The following ITGB1 variants were observed in gnomAD, a reference collection of about 807,000 sequenced individuals.
The protein encoded by ITGB1 is integrin subunit beta 1.
A neutral mutation model predicts 86.5 loss-of-function variants in ITGB1; 24 were observed. The ratio of observed to expected loss-of-function variants is 0.28; its 90% confidence interval spans 0.20 to 0.39. The LOEUF is 0.39. ITGB1 is among the 10% of genes least tolerant of loss of function. ITGB1 has a pLI of 1.00. For synonymous variants in ITGB1, 323 were observed against 316.8 expected, an observed-to-expected ratio of 1.02 and a Z score of -0.21; for missense variants, 556 against 946.9, an observed-to-expected ratio of 0.59 and a Z score of 5.42.
chr10:32,946,465 T>A (rs931764546), intron 1 of ITGB1, among the ~76,000 whole-genome samples: 1 of 152,158 alleles, frequency 6.6e-6, no homozygotes, highest in Non-Finnish European at 1.5e-5. Context: ...TTCTACTGGT[T>A]TCATCTGAGC....
chr10:32,925,143 G>A (rs2094960930), intron 6 of ITGB1, among the ~76,000 whole-genome samples: 1 of 152,162 alleles, frequency 6.6e-6, no homozygotes, highest in Non-Finnish European at 1.5e-5. Context: ...TGAGACAAGA[G>A]TAGGTACGCA....
At chr10:32,956,542 T>C (rs545379187) in intron 1 of ITGB1, among the ~76,000 whole-genome samples, 30 of 152,112 alleles carry the variant, frequency 2.0e-4, no homozygotes, top group South Asian at 6.2e-4. Context: ...ATCCTGTCTC[T>C]ACAAAAAATA....
intron 1 of ITGB1, chr10:32,953,626 G>C (rs539241429): frequency 6.6e-6 from 1 of 151,970 alleles, no homozygotes; most frequent in Non-Finnish European, 1.5e-5. Flanking sequence ...CTCCTCGAAC[G>C]AGAGAATGAG....
chr10:32,927,604 C>G (rs1200414084), intron 5 of ITGB1, among the ~76,000 whole-genome samples: 1 of 152,102 alleles, frequency 6.6e-6, no homozygotes, highest in African/African-American at 2.4e-5. Flanking sequence ...CCAGCCTGGC[C>G]AACATGGTGA....
At chr10:32,905,815 T>C (rs2094894711) in intron 15 of ITGB1, among the ~76,000 whole-genome samples, 1 of 152,180 alleles carries the variant, frequency 6.6e-6, no homozygotes, top group Admixed American at 6.5e-5. Flanking sequence ...CACAATAAGG[T>C]AGGCAGTGAG....
Position 32,902,237 on chromosome 10 carries a change from G to T in ITGB1, c.2332-602C>A, listed in dbSNP as rs143218707. 1.9e-3 allele frequency among the ~76,000 whole-genome samples: 296 copies of T among 152,236 alleles called. 3 individuals carry two copies. Among genetic ancestry groups the T allele is most frequent in the African/African-American group, 6.8e-3 (283 of 41,560 alleles). ...CATTCCTTATGAAATAACTTGTTAT[G>T]CTTCAATATCATATTGGTGAAATGT... On this transcript the variant is annotated intron_variant, in intron 15 of 15. Coordinates refer to ENST00000302278, the MANE Select transcript of ITGB1 (RefSeq NM_002211.4).
chr10:32,925,858 T>C lies in ITGB1; in HGVS notation c.786+13A>G, dbSNP rs7087306. On this transcript the variant is annotated intron_variant, in intron 6 of 15. Transcript: ENST00000302278. ...AGAAACAATATCCCCTGATAGGAAA[T>C]GAATGCGCTTACTCCACAAACTGCA... 4 of 1,458,828 alleles carry C rather than the reference T, an allele frequency of 2.7e-6. No homozygotes were observed. Among genetic ancestry groups the C allele is most frequent in the African/African-American group, 2.8e-5 (2 of 71,852 alleles). The allele number at this position is 1,458,828 out of a possible 1,614,324, so 90.4% of individuals were successfully genotyped here. A position where few individuals can be genotyped will look rare whatever the true frequency, so the allele number is the denominator to read the frequency against.
intron 11 of ITGB1, 76 bp downstream of exon 11, chr10:32,919,809 G>C (rs2094943063): frequency 7.8e-7 from 1 of 1,276,604 alleles, no homozygotes; most frequent in Admixed American, 1.7e-5. Flanking sequence ...ATATTCTCTG[G>C]ATGTCCCAAA....
chr10:32,901,464 C>A lies in ITGB1; in HGVS notation c.*106G>T. 1.4e-6 allele frequency: 1 copy of A among 722,228 alleles called. No homozygotes were observed. The highest frequency in any genetic ancestry group is 2.3e-6 in the Non-Finnish European group (1 of 432,866). The allele number at this position is 722,228 out of a possible 1,614,324, so 44.7% of individuals were successfully genotyped here. ...TTATACATATTGTACATTTTCAAAA[C>A]CTGCACATGAGTAAAACCATGGCAA... is the stretch of plus-strand genomic sequence containing the variant. On this transcript the variant is annotated 3_prime_UTR_variant, in exon 16 of 16. Coordinates refer to ENST00000302278, the MANE Select transcript of ITGB1 (RefSeq NM_002211.4).
At chr10:32,914,426 C>T (rs556438455) in intron 11 of ITGB1, among the ~76,000 whole-genome samples, 5 of 152,146 alleles carry the variant, frequency 3.3e-5, no homozygotes, top group Admixed American at 6.5e-5. Flanking sequence ...ACCCATCTCA[C>T]GTGCAGAGAC....
chr10:32,927,259 A>C (rs1479922956), intron 5 of ITGB1, among the ~76,000 whole-genome samples: 1 of 152,196 alleles, frequency 6.6e-6, no homozygotes, highest in African/African-American at 2.4e-5. Context: ...CTTAGGCCTC[A>C]TAACTGTCAA....
chr10:32,912,018 T>G lies in ITGB1; in HGVS notation c.1576A>C (p.Ser526Arg). Residue 526 changes from serine to arginine, a missense_variant, in exon 12 of 16, where the codon AGT (serine) becomes CGT (arginine). Physicochemically the swap from Ser to Arg is moderately radical, Grantham distance 110 (BLOSUM62 -1). Transcript: ENST00000302278. The stretch of plus-strand genomic sequence containing the variant: ...CCGCAGACGCACTCTCCATTGTTAC[T>G]GCAGATTTCTGAACTGTTTTCTTTC... ...CRKENSSEIC[S>R]NNGECVCGQC... 6.2e-7 allele frequency: 1 copy of G among 1,614,242 alleles called. No homozygotes were observed. Among genetic ancestry groups the G allele is most frequent in the African/African-American group, 1.3e-5 (1 of 75,070 alleles).
intron 1 of ITGB1, among the ~76,000 whole-genome samples, chr10:32,957,481 G>C (rs2095054805): frequency 1.3e-5 from 2 of 152,162 alleles, no homozygotes; most frequent in Non-Finnish European, 2.9e-5. Flanking sequence ...ATAAACACGG[G>C]GAAGTGGACT....
intron 11 of ITGB1, among the ~76,000 whole-genome samples, chr10:32,912,410 G>C (rs72784070): frequency 0.072 from 10,936 of 152,296 alleles, 603 homozygotes; most frequent in South Asian, 0.26. Context: ...AGCTGTGACA[G>C]ACGGTACCTG....
rs542477170 is a variant in ITGB1, at chr10:32,924,301, T to C, written c.787-561A>G. ...CATTCTAACTCCTCAATCAGTACTG[T>C]TTATGCACTCATTTACTTTATCCTT... On this transcript the variant is annotated intron_variant, in intron 6 of 15. Coordinates refer to ENST00000302278, the MANE Select transcript of ITGB1 (RefSeq NM_002211.4). Among the ~76,000 whole-genome samples, 399 of 152,290 alleles carry C rather than the reference T, an allele frequency of 2.6e-3. 1 individual carries two copies. The highest frequency in any genetic ancestry group is 4.0e-3 in the Non-Finnish European group (275 of 68,024).
rs143612235 is a variant in ITGB1, at chr10:32,955,147, G to C, written c.-1+2998C>G. Among the ~76,000 whole-genome samples the C allele has an allele frequency of 5.3e-5, 8 of 152,234 alleles. No homozygotes were observed. The East Asian group carries it at 1.5e-3, about 29-fold the overall frequency. On this transcript the variant is annotated intron_variant, in intron 1 of 15. Coordinates refer to ENST00000302278, the MANE Select transcript of ITGB1 (RefSeq NM_002211.4). ...CATAACACTTCAGGATTCAGAAGACGAATGTACCTTTCTGTATCTTAACGT... is the reference window on the plus strand; with the variant it reads ...CATAACACTTCAGGATTCAGAAGACCAATGTACCTTTCTGTATCTTAACGT...
At chr10:32,911,392 G>T in intron 13 of ITGB1, 56 bp downstream of exon 13, 1 of 1,442,422 alleles carries the variant, frequency 6.9e-7, no homozygotes, top group Non-Finnish European at 9.7e-7. Flanking sequence ...AACAATACAG[G>T]CTTAGGAGAG....
chr10:32,923,436 T>C, intron 7 of ITGB1, 149 bp downstream of exon 7: 2 of 552,416 alleles, frequency 3.6e-6, no homozygotes, highest in Non-Finnish European at 6.1e-6. Context: ...AACACTAGCT[T>C]TCCTGCACTT....
At chr10:32,952,610 T>A (rs537360332) in intron 1 of ITGB1, among the ~76,000 whole-genome samples, 1 of 152,342 alleles carries the variant, frequency 6.6e-6, no homozygotes, top group Admixed American at 6.5e-5. Context: ...ACATATTCAT[T>A]CAATAAACAT....
Sources: allele counts gnomAD v4.1 joint callset (sites outside exome capture counted in the v4.1 genomes callset), GRCh38; gene constraint gnomAD v4.1.1; transcripts MANE v1.5; gene names NCBI Gene and HGNC (gene_info 2026-07-23, HGNC 2026-07-21).